Variants in GRID2 observed in about 807,000 individuals in gnomAD.
The protein encoded by GRID2 is glutamate ionotropic receptor delta type subunit 2.
In GRID2, 33 loss-of-function variants were observed where a neutral mutation model predicts 114.8. The ratio of observed to expected loss-of-function variants is 0.29; its 90% confidence interval spans 0.22 to 0.38. The LOEUF is 0.38. GRID2 is among the 10% of genes least tolerant of loss of function. The pLI is 1.00. For missense variants in GRID2, 1,184 were observed against 1,257.7 expected (o/e 0.94, Z 0.89); for synonymous variants, 505 against 449.9 (o/e 1.12, Z -1.55).
At chr4:93,671,276 A>C (rs1724387892) in intron 14 of GRID2, among the ~76,000 whole-genome samples, 1 of 152,188 alleles carries the variant, frequency 6.6e-6, no homozygotes, top group African/African-American at 2.4e-5. Context: ...CCCTTGGTGT[A>C]AATGGAGGGA....
intron 14 of GRID2, among the ~76,000 whole-genome samples, chr4:93,721,203 T>A (rs1729341128): frequency 6.6e-6 from 1 of 152,186 alleles, no homozygotes; most frequent in Non-Finnish European, 1.5e-5. Context: ...TTGTGGTGTA[T>A]TTATCAGCCT....
intron 2 of GRID2, among the ~76,000 whole-genome samples, chr4:92,760,568 A>G (rs1441372112): frequency 6.6e-6 from 1 of 152,120 alleles, no homozygotes; most frequent in Non-Finnish European, 1.5e-5. Flanking sequence ...CTGTGACTAT[A>G]TCACAGCCTA....
chr4:93,381,510 T>C (rs78202877), intron 8 of GRID2, among the ~76,000 whole-genome samples: 5,594 of 152,240 alleles, frequency 0.037, 155 homozygotes, highest in Middle Eastern at 0.058. Flanking sequence ...GACTGTCTTC[T>C]TTTGTGTTTA....
chr4:92,711,324 G>T (rs1735236847), intron 2 of GRID2, among the ~76,000 whole-genome samples: 1 of 152,118 alleles, frequency 6.6e-6, no homozygotes, highest in African/African-American at 2.4e-5. Flanking sequence ...GAGTTTCATA[G>T]GCTGAAATCA....
chr4:92,576,733 G>A (rs1049958706), intron 1 of GRID2, among the ~76,000 whole-genome samples: 3 of 152,180 alleles, frequency 2.0e-5, no homozygotes, highest in Non-Finnish European at 4.4e-5. Context: ...TGTGGTAGAA[G>A]TGTGGTTTCC....
At chr4:93,615,174 T>G (rs1337814202) in intron 13 of GRID2, among the ~76,000 whole-genome samples, 1 of 152,200 alleles carries the variant, frequency 6.6e-6, no homozygotes, top group African/African-American at 2.4e-5. Flanking sequence ...CTCATAGAAA[T>G]TAGTTCCAGC....
intron 4 of GRID2, 64 bp from the exon 5 acceptor site, chr4:93,207,340 C>T (rs911184762): frequency 9.5e-7 from 1 of 1,054,274 alleles, no homozygotes; most frequent in South Asian, 1.3e-5. Flanking sequence ...AAAGTATATT[C>T]ATTTAGTTGG....
At chr4:92,648,190 A>T (rs986265019) in intron 2 of GRID2, among the ~76,000 whole-genome samples, 1 of 149,822 alleles carries the variant, frequency 6.7e-6, no homozygotes, top group Admixed American at 6.6e-5. Flanking sequence ...GCAATGTCTA[A>T]TTCAGTCCCT....
intron 14 of GRID2, among the ~76,000 whole-genome samples, chr4:93,656,236 T>C (rs1316705730): frequency 6.6e-6 from 1 of 152,048 alleles, no homozygotes; most frequent in Non-Finnish European, 1.5e-5. Flanking sequence ...TTCTATTTAA[T>C]GTATTAGAAC....
At chr4:92,315,993 C>CAAAAAAAAAAAAA (rs778361565) in intron 1 of GRID2, among the ~76,000 whole-genome samples, 409 of 61,290 alleles carry the variant, frequency 6.7e-3, no homozygotes, top group East Asian at 8.6e-3. Flanking sequence ...AAACAAAAAG[C>CAAAAAAAAAAAAA]AAAAAAAAAA....
intron 13 of GRID2, among the ~76,000 whole-genome samples, chr4:93,591,905 C>T (rs1220948100): frequency 2.0e-5 from 3 of 151,698 alleles, no homozygotes; most frequent in Admixed American, 6.6e-5. Context: ...TGGTGATATC[C>T]CCTTTATCAT....
At chr4:92,334,006 T>C (rs543486368) in intron 1 of GRID2, among the ~76,000 whole-genome samples, 2 of 152,160 alleles carry the variant, frequency 1.3e-5, no homozygotes, top group Non-Finnish European at 2.9e-5. Flanking sequence ...GCTGGGATTA[T>C]AGGCACAAGC....
At chr4:93,759,903 A>G (rs948988051) in intron 14 of GRID2, among the ~76,000 whole-genome samples, 2 of 152,304 alleles carry the variant, frequency 1.3e-5, no homozygotes, top group Admixed American at 6.5e-5. Context: ...ATTTATACAG[A>G]TTTTCTTTAG....
chr4:92,739,383 G>A (rs959571792), intron 2 of GRID2, among the ~76,000 whole-genome samples: 1 of 152,042 alleles, frequency 6.6e-6, no homozygotes, highest in Admixed American at 6.6e-5. Context: ...TTTTATATCA[G>A]CGGCAGTGAT....
At chr4:93,438,272 C>T (rs1455305563) in intron 10 of GRID2, among the ~76,000 whole-genome samples, 1 of 152,054 alleles carries the variant, frequency 6.6e-6, no homozygotes, top group Non-Finnish European at 1.5e-5. Flanking sequence ...TAGGGTAATA[C>T]ATACAGGGTG....
At chr4:93,694,934 G>T (rs915329804) in intron 14 of GRID2, among the ~76,000 whole-genome samples, 1 of 152,130 alleles carries the variant, frequency 6.6e-6, no homozygotes, top group Non-Finnish European at 1.5e-5. Flanking sequence ...CACTTTGGGA[G>T]GCCGAGACGG....
At chr4:92,387,020 A>G (rs1010952022) in intron 1 of GRID2, among the ~76,000 whole-genome samples, 1 of 151,946 alleles carries the variant, frequency 6.6e-6, no homozygotes, top group Non-Finnish European at 1.5e-5. Flanking sequence ...ACAAAACCTA[A>G]CAGAAAAGAC....
At chr4:92,921,889 T>G (rs768172817) in intron 2 of GRID2, among the ~76,000 whole-genome samples, 1 of 152,224 alleles carries the variant, frequency 6.6e-6, no homozygotes, top group Non-Finnish European at 1.5e-5. Flanking sequence ...TACGGGTACA[T>G]TTAAGTCTGC....
intron 2 of GRID2, among the ~76,000 whole-genome samples, chr4:93,077,848 C>T (rs909846607): frequency 1.4e-4 from 22 of 151,982 alleles, no homozygotes; most frequent in South Asian, 6.2e-4. Context: ...CAGTGTTAAG[C>T]AAAACAGTCT....
Sources: gnomAD v4.1 joint callset for allele counts (sites outside exome capture counted in the v4.1 genomes callset) on GRCh38, gnomAD v4.1.1 for gene constraint, MANE v1.5 for transcripts, NCBI Gene and HGNC (gene_info 2026-07-23, HGNC 2026-07-21) for gene names.